The following RSPO4 variants were observed in gnomAD, a reference collection of about 807,000 sequenced individuals.
The protein encoded by RSPO4 is R-spondin 4.
Under a neutral mutation model 24.8 loss-of-function variants are expected in RSPO4, and 23 were observed. The ratio of observed to expected loss-of-function variants is 0.93; its 90% confidence interval spans 0.67 to 1.31. The LOEUF is 1.31. Among genes scored for constraint, RSPO4 ranks in the 40% most tolerant of loss-of-function variants. The pLI, the probability that RSPO4 is intolerant of heterozygous loss-of-function variation, is 0.00. For missense variants in RSPO4, 333 were observed against 316.5 expected (o/e 1.05, Z -0.39); for synonymous variants, 141 against 127.4 (o/e 1.11, Z -0.72).
chr20:967,844 C>G, intron 2 of RSPO4, 106 bp downstream of exon 2: 1 of 1,157,086 alleles, frequency 8.6e-7, no homozygotes, highest in Non-Finnish European at 1.3e-6. Context: ...TGGGCTTAGA[C>G]ATGCACCTAC....
At position 1,002,025 on chromosome 20, in the gene RSPO4, T is replaced by A; in HGVS notation, c.79+61A>T. 6.9e-7 allele frequency: 1 copy of A among 1,448,188 alleles called. No individual in the cohort carries two copies. Among genetic ancestry groups the A allele is most frequent in the Non-Finnish European group, 9.4e-7 (1 of 1,060,794 alleles). The allele number at this position is 1,448,188 out of a possible 1,614,324, so 89.7% of individuals were successfully genotyped here. On this transcript the variant is annotated intron_variant, in intron 1 of 4. Transcript: ENST00000217260. This position sits in a 1 kb window ranked among gnomAD's most constrained non-coding sequence, Gnocchi z 4.6. ...CCCCCAGAGCCGCCGCCCCCGGTCCTCCGGCCCCCGGTCTGCCCCGCAGCG... is the reference window on the plus strand; with the variant it reads ...CCCCCAGAGCCGCCGCCCCCGGTCCACCGGCCCCCGGTCTGCCCCGCAGCG...
intron 1 of RSPO4, among the ~76,000 whole-genome samples, chr20:985,883 C>A (rs1984904369): frequency 6.6e-6 from 1 of 152,216 alleles, no homozygotes; most frequent in South Asian, 2.1e-4. Flanking sequence ...CATTCCATCC[C>A]TTGATTGAAC....
At chr20:1,001,960 G>A in intron 1 of RSPO4, 126 bp downstream of exon 1, 1 of 736,760 alleles carries the variant, frequency 1.4e-6, no homozygotes, top group Non-Finnish European at 2.3e-6. Context: ...GACTCGTCTG[G>A]AGGAGCGAAG....
intron 1 of RSPO4, among the ~76,000 whole-genome samples, chr20:976,034 TTGA>T (rs1207675457): frequency 6.6e-6 from 1 of 152,184 alleles, no homozygotes; most frequent in East Asian, 1.9e-4. Flanking sequence ...GGTTCCCAGG[TTGA>T]TATCCTGGCC....
At chr20:986,898 A>G (rs1381916173) in intron 1 of RSPO4, among the ~76,000 whole-genome samples, 1 of 152,220 alleles carries the variant, frequency 6.6e-6, no homozygotes. Context: ...AAGCTGTTCT[A>G]CTTCCCTAAG....
intron 1 of RSPO4, among the ~76,000 whole-genome samples, chr20:999,575 C>T (rs1013975393): frequency 6.6e-6 from 1 of 152,276 alleles, no homozygotes; most frequent in East Asian, 1.9e-4. Flanking sequence ...AAATCCAAGG[C>T]TATCTCCATT....
Position 967,165 on chromosome 20 carries a change from C to T in RSPO4, c.409+9G>A. 6.2e-7 allele frequency: 1 copy of T among 1,612,668 alleles called. No homozygotes were observed. Among genetic ancestry groups the T allele is most frequent in the Non-Finnish European group, 8.5e-7 (1 of 1,179,568 alleles). Reference sequence around the variant, plus strand: ...GGGGCAGGGGCAGGGCGGGGAGGTCCCCACTCACCCTGGCACTCCCGTGTG... The same window carrying T: ...GGGGCAGGGGCAGGGCGGGGAGGTCTCCACTCACCCTGGCACTCCCGTGTG... On this transcript the variant is annotated intron_variant, in intron 3 of 4. Transcript: ENST00000217260.
chr20:982,611 G>C (rs1984775351), intron 1 of RSPO4, among the ~76,000 whole-genome samples: 1 of 152,182 alleles, frequency 6.6e-6, no homozygotes, highest in Non-Finnish European at 1.5e-5. Context: ...CTGCAAAGTA[G>C]ACTCAGACAG....
chr20:985,749 G>A (rs1161012217), intron 1 of RSPO4, among the ~76,000 whole-genome samples: 1 of 152,222 alleles, frequency 6.6e-6, no homozygotes, highest in Non-Finnish European at 1.5e-5. Flanking sequence ...AGTTTCTAAA[G>A]AGGATCTAAG....
At position 972,039 on chromosome 20, in the gene RSPO4, C is replaced by T. The variant is rs943221461; in HGVS notation, c.80-3901G>A. On this transcript the variant is annotated intron_variant, in intron 1 of 4. Coordinates refer to ENST00000217260, the MANE Select transcript of RSPO4 (RefSeq NM_001029871.4). ...CACACTTTGCCCCTCGTCCACTCTC[C>T]CCTCATCCTCAGTAGTGGAATCCTG... is the stretch of plus-strand genomic sequence containing the variant. 2.0e-5 allele frequency among the ~76,000 whole-genome samples: 3 copies of T among 152,260 alleles called. 1 individual carries two copies.
At chr20:995,754 C>G (rs1985259894) in intron 1 of RSPO4, among the ~76,000 whole-genome samples, 1 of 152,174 alleles carries the variant, frequency 6.6e-6, no homozygotes, top group Admixed American at 6.5e-5. Flanking sequence ...CTGCCCCTTA[C>G]AGCTGTCAGG....
intron 1 of RSPO4, among the ~76,000 whole-genome samples, chr20:991,180 A>G (rs1985089676): frequency 6.6e-6 from 1 of 152,206 alleles, no homozygotes; most frequent in Non-Finnish European, 1.5e-5. Context: ...GGCTCAAGCC[A>G]TCCTCCCACC....
At chr20:974,172 C>T (rs1042835123) in intron 1 of RSPO4, among the ~76,000 whole-genome samples, 1 of 152,158 alleles carries the variant, frequency 6.6e-6, no homozygotes, top group Admixed American at 6.5e-5. Context: ...GCTTGTAAAG[C>T]GTCTGCTGTG....
chr20:974,685 C>A (rs1050725131), intron 1 of RSPO4, among the ~76,000 whole-genome samples: 1 of 152,122 alleles, frequency 6.6e-6, no homozygotes, highest in African/African-American at 2.4e-5. Context: ...GTGTGTTTTC[C>A]TTTCCTCTCT....
chr20:977,018 T>A (rs986294414), intron 1 of RSPO4, among the ~76,000 whole-genome samples: 3 of 152,144 alleles, frequency 2.0e-5, no homozygotes, highest in Admixed American at 6.5e-5. Flanking sequence ...CCTATTGTAT[T>A]TCAGATACTG....
Position 990,562 on chromosome 20 carries a change from G to GTC in RSPO4, c.79+11522_79+11523dup, listed in dbSNP as rs202230488. Among the ~76,000 whole-genome samples, 10 of 132,178 alleles carry GTC rather than the reference G, an allele frequency of 7.6e-5. No homozygotes were observed. The East Asian group carries it at 1.5e-3, about 19-fold the overall frequency. The allele number at this position is 132,178 out of a possible 152,430, so 86.7% of individuals were successfully genotyped here. ...CTTTTTCTTTCTTCTTTCTTTCTCAGTCTCTCTCTCTCTTTCCCTCTCTCT... is the reference window on the plus strand; with the variant it reads ...CTTTTTCTTTCTTCTTTCTTTCTCAGTCTCTCTCTCTCTCTTTCCCTCTCTCT... On this transcript the variant is annotated intron_variant, in intron 1 of 4. Transcript: ENST00000217260.
intron 3 of RSPO4, among the ~76,000 whole-genome samples, chr20:964,827 CACACAT>C (rs780572579): frequency 0.01 from 930 of 91,672 alleles, 10 homozygotes; most frequent in Non-Finnish European, 0.015. Context: ...CACACACACA[CACACAT>C]ATATATATAT....
chr20:974,835 A>C (rs559230323), intron 1 of RSPO4, among the ~76,000 whole-genome samples: 47 of 152,296 alleles, frequency 3.1e-4, no homozygotes, highest in Non-Finnish European at 6.0e-4. Flanking sequence ...ATGTGGATCC[A>C]CCCTGGGGAT....
intron 1 of RSPO4, among the ~76,000 whole-genome samples, chr20:997,021 A>G (rs897072933): frequency 2.6e-5 from 4 of 152,172 alleles, no homozygotes; most frequent in Non-Finnish European, 4.4e-5. Flanking sequence ...CGGGCTTCGG[A>G]GCCTCCAAAA....
Sources: gnomAD v4.1 joint callset for allele counts (sites outside exome capture counted in the v4.1 genomes callset) on GRCh38, gnomAD v4.1.1 for gene constraint, Gnocchi (gnomAD v3.1) non-coding constraint, MANE v1.5 for transcripts, NCBI Gene and HGNC (gene_info 2026-07-23, HGNC 2026-07-21) for gene names.